Variants in STK31 observed in about 807,000 individuals in gnomAD.
STK31 encodes the protein serine/threonine-protein kinase 31.
Under a neutral mutation model 129.7 loss-of-function variants are expected in STK31, and 89 were observed. That is an observed-to-expected ratio of 0.69 (90% CI 0.58 to 0.82). The LOEUF (loss-of-function observed/expected upper bound fraction) is 0.82, where lower values mean the gene tolerates loss of function less well. STK31 is among the 40% of genes least tolerant of loss of function. The probability of loss-of-function intolerance (pLI) is 0.00; values close to 1 mark genes in which losing one functional copy is unlikely to be tolerated. For missense variants in STK31, 1,187 were observed against 1,176.4 expected, an observed-to-expected ratio of 1.01 and a Z score of -0.13; for synonymous variants, 448 against 395.3, an observed-to-expected ratio of 1.13 and a Z score of -1.58.
intron 8 of STK31, among the ~76,000 whole-genome samples, chr7:23,749,944 C>A (rs67334442): frequency 0.46 from 70,354 of 151,392 alleles, 16,775 homozygotes; most frequent in Admixed American, 0.55. Flanking sequence ...ATATTTCCAT[C>A]CCCCAGGTCA....
chr7:23,750,860 T>A (rs2128091718), intron 8 of STK31, among the ~76,000 whole-genome samples: 1 of 152,350 alleles, frequency 6.6e-6, no homozygotes, highest in East Asian at 1.9e-4. Flanking sequence ...CCTCAAGGAT[T>A]TATCATTTCT....
chr7:23,761,668 A>G lies in STK31; in HGVS notation c.1294-1133A>G, dbSNP rs1225353280. The stretch of plus-strand genomic sequence containing the variant: ...CATGATCCGCCTGCCTCGGCCTCCC[A>G]AAGTGCTGGGATTACAGGCGTGGGC... On this transcript the variant is annotated intron_variant, in intron 10 of 23. Transcript: ENST00000355870. Among the ~76,000 whole-genome samples the G allele has an allele frequency of 2.0e-5, 3 of 149,812 alleles. No homozygotes were observed. In the East Asian group the frequency reaches 5.8e-4, roughly 29 times the overall value.
intron 4 of STK31, chr7:23,721,724 A>T: frequency 1.3e-6 from 1 of 771,794 alleles, no homozygotes; most frequent in Non-Finnish European, 2.4e-6. Context: ...TGGCTGCACA[A>T]GTGGAGCAAA....
At chr7:23,750,363 A>C (rs965429051) in intron 8 of STK31, among the ~76,000 whole-genome samples, 2 of 152,082 alleles carry the variant, frequency 1.3e-5, no homozygotes, top group Admixed American at 6.6e-5. Context: ...TAGGAGTAGC[A>C]GTTTTCCCAG....
intron 3 of STK31, 72 bp from the exon 4 acceptor site, chr7:23,717,409 T>C: frequency 9.5e-7 from 1 of 1,051,788 alleles, no homozygotes; most frequent in East Asian, 2.8e-5. Context: ...TTTATCATGC[T>C]TAGAACCCTC....
intron 22 of STK31, among the ~76,000 whole-genome samples, chr7:23,795,845 T>G (rs903086426): frequency 1.3e-5 from 2 of 152,226 alleles, no homozygotes; most frequent in Admixed American, 1.3e-4. Context: ...GGCCAATTTC[T>G]CCCATTTGGA....
At chr7:23,710,662 G>C in intron 1 of STK31, 1 of 1,144,818 alleles carries the variant, frequency 8.7e-7, no homozygotes, top group Non-Finnish European at 1.1e-6. Flanking sequence ...AGAGAGCTAC[G>C]TGTACCCGTT....
chr7:23,832,378 T>C lies in STK31; in HGVS notation c.*12T>C, dbSNP rs1211723968. 1.3e-6 allele frequency: 2 copies of C among 1,593,286 alleles called. No homozygotes were observed. ...ACTTTGATTGTTAAATTATTATTGT[T>C]GTTGTTGCAGAGGTTCTTTTTAAAA... On this transcript the variant is annotated 3_prime_UTR_variant, in exon 24 of 24. Coordinates refer to ENST00000355870, the MANE Select transcript of STK31 (RefSeq NM_031414.5).
chr7:23,814,669 T>C (rs534385349), intron 22 of STK31, among the ~76,000 whole-genome samples: 55 of 152,278 alleles, frequency 3.6e-4, no homozygotes, highest in African/African-American at 1.2e-3. Flanking sequence ...CAGAATACCT[T>C]TGTGTATGTA....
intron 22 of STK31, among the ~76,000 whole-genome samples, chr7:23,795,776 A>G (rs1387748873): frequency 2.0e-5 from 3 of 152,210 alleles, no homozygotes; most frequent in Admixed American, 1.3e-4. Context: ...TTGGAGCTTT[A>G]AGATTTGACT....
At chr7:23,739,577 G>A (rs996978046) in intron 8 of STK31, among the ~76,000 whole-genome samples, 5 of 152,114 alleles carry the variant, frequency 3.3e-5, no homozygotes, top group Non-Finnish European at 7.4e-5. Flanking sequence ...GTATTGCCTA[G>A]GTGTTCTTCT....
In STK31 at chr7:23,832,106, T is replaced by G. The variant is rs972092019; in HGVS notation, c.2830-30T>G. On this transcript the variant is annotated intron_variant, in intron 23 of 23. Transcript: ENST00000355870. ...ATTACAGATTTGTCCTTTTGTTCCT[T>G]TGTTTTGTAACACCTGTTTTTCCTT... 3 of 1,517,020 alleles carry G rather than the reference T, an allele frequency of 2.0e-6. No homozygotes were observed. The Admixed American group carries it at 5.1e-5, about 26-fold the overall frequency. The allele number at this position is 1,517,020 out of a possible 1,614,324, so 94.0% of individuals were successfully genotyped here. A position where few individuals can be genotyped will look rare whatever the true frequency, so the allele number is the denominator to read the frequency against.
At chr7:23,823,421 T>G (rs912926690) in intron 23 of STK31, among the ~76,000 whole-genome samples, 5 of 152,236 alleles carry the variant, frequency 3.3e-5, no homozygotes, top group African/African-American at 1.2e-4. Flanking sequence ...GTTCATATCC[T>G]TCATCCACTT....
chr7:23,787,805 A>G (rs1791384454), intron 20 of STK31, among the ~76,000 whole-genome samples, 175 bp from the exon 21 acceptor site: 1 of 151,652 alleles, frequency 6.6e-6, no homozygotes, highest in East Asian at 1.9e-4. Flanking sequence ...CACACATGGT[A>G]TCACCATTAC....
chr7:23,798,153 T>G (rs10215446), intron 22 of STK31, among the ~76,000 whole-genome samples: 17,159 of 151,994 alleles, frequency 0.11, 1,533 homozygotes, highest in African/African-American at 0.25. Context: ...AGATACACAG[T>G]CGAATTCCAC....
chr7:23,730,878 A>ATAT, intron 6 of STK31, among the ~76,000 whole-genome samples: 23 of 59,540 alleles, frequency 3.9e-4, no homozygotes, highest in African/African-American at 1.3e-3. Context: ...ATATATATAT[A>ATAT]TTTTTTTTTT....
chr7:23,741,022 A>G (rs10234251), intron 8 of STK31, among the ~76,000 whole-genome samples: 70,872 of 151,996 alleles, frequency 0.47, 16,947 homozygotes, highest in Admixed American at 0.55. Flanking sequence ...TGTTCTCCTT[A>G]AGTATTATTA....
At chr7:23,749,849 T>C (rs920025128) in intron 8 of STK31, among the ~76,000 whole-genome samples, 1 of 152,010 alleles carries the variant, frequency 6.6e-6, no homozygotes, top group East Asian at 1.9e-4. Context: ...TTCCTCCCCC[T>C]TTAGGTGGGA....
chr7:23,762,384 A>G (rs10278268), intron 10 of STK31, among the ~76,000 whole-genome samples: 114,110 of 151,986 alleles, frequency 0.75, 43,039 homozygotes, highest in East Asian at 0.83. Flanking sequence ...TATCTTTCAC[A>G]TATGTATTTC....
Sources: gnomAD v4.1 joint callset for allele counts (sites outside exome capture counted in the v4.1 genomes callset) on GRCh38, gnomAD v4.1.1 for gene constraint, MANE v1.5 for transcripts, NCBI Gene and HGNC (gene_info 2026-07-23, HGNC 2026-07-21) for gene names.